POLR3B: variants seen among roughly 807,000 people sequenced by gnomAD.
POLR3B encodes DNA-directed RNA polymerase III subunit RPC2.
Under a neutral mutation model 147.4 loss-of-function variants are expected in POLR3B, and 96 were observed. The observed-to-expected ratio is 0.65, with a 90% CI of 0.55 to 0.77. POLR3B has a LOEUF of 0.77. Ranked by LOEUF, POLR3B falls within the 30% of genes least tolerant of loss-of-function variation. The probability of loss-of-function intolerance (pLI) is 0.00; values close to 1 mark genes in which losing one functional copy is unlikely to be tolerated. For missense variants in POLR3B, 1,036 were observed against 1,413.5 expected, an observed-to-expected ratio of 0.73 and a Z score of 4.28; for synonymous variants, 461 against 485.9, an observed-to-expected ratio of 0.95 and a Z score of 0.67.
chr12:106,365,201 G>C (rs80034931), intron 2 of POLR3B, among the ~76,000 whole-genome samples: 2 of 152,072 alleles, frequency 1.3e-5, no homozygotes, highest in Non-Finnish European at 2.9e-5. Flanking sequence ...GTTCAGTTGC[G>C]TGTTATGGGC....
chr12:106,357,854 C>T lies in POLR3B; in HGVS notation c.-26C>T. The T allele has an allele frequency of 6.2e-7, 1 of 1,610,448 alleles. No homozygotes were observed. The highest frequency in any genetic ancestry group is 8.5e-7 in the Non-Finnish European group (1 of 1,178,392). ...GGGAAGGCGGGCGCGGAGGTTCTAT[C>T]TGTTTCTTCCTCCTTCGTGAGCAGC... On this transcript the variant is annotated 5_prime_UTR_variant, in exon 1 of 28. Coordinates refer to ENST00000228347, the MANE Select transcript of POLR3B (RefSeq NM_018082.6).
chr12:106,476,041 A>T (rs1012183501), intron 23 of POLR3B, among the ~76,000 whole-genome samples: 73 of 149,026 alleles, frequency 4.9e-4, no homozygotes, highest in African/African-American at 1.8e-3. Flanking sequence ...TTCCTTGAGG[A>T]GCTCTTTTAG....
chr12:106,358,120 C>T (rs2036414798), intron 1 of POLR3B, 169 bp downstream of exon 1: 3 of 1,487,360 alleles, frequency 2.0e-6, no homozygotes, highest in Non-Finnish European at 2.7e-6. Flanking sequence ...CAGAGCCGGC[C>T]TCCGCGTGCG....
At chr12:106,469,130 T>C (rs1164528428) in intron 23 of POLR3B, among the ~76,000 whole-genome samples, 1 of 152,208 alleles carries the variant, frequency 6.6e-6, no homozygotes, top group Admixed American at 6.5e-5. Context: ...TGCTCCTGTA[T>C]TGGGTGCATA....
At chr12:106,401,553 A>G (rs2037067125) in intron 10 of POLR3B, among the ~76,000 whole-genome samples, 1 of 152,242 alleles carries the variant, frequency 6.6e-6, no homozygotes. Context: ...CATTGATGCA[A>G]AAATCCTCAT....
At chr12:106,463,815 C>T (rs914363260) in intron 23 of POLR3B, among the ~76,000 whole-genome samples, 195 bp downstream of exon 23, 4 of 152,108 alleles carry the variant, frequency 2.6e-5, no homozygotes, top group African/African-American at 9.7e-5. Flanking sequence ...TAGACTTGCT[C>T]CTCTATGCTG....
At chr12:106,470,939 C>G (rs561813457) in intron 23 of POLR3B, among the ~76,000 whole-genome samples, 20 of 152,160 alleles carry the variant, frequency 1.3e-4, no homozygotes, top group Non-Finnish European at 1.6e-4. Context: ...AGGAGGCAGT[C>G]TGTCCATTAT....
chr12:106,500,918 G>A (rs970345598), intron 25 of POLR3B, among the ~76,000 whole-genome samples: 3 of 152,162 alleles, frequency 2.0e-5, no homozygotes, highest in Non-Finnish European at 4.4e-5. Context: ...GACCTATTGT[G>A]ATTTACATTT....
At chr12:106,393,205 GC>G (rs772244465) in intron 10 of POLR3B, 52 bp downstream of exon 10, 1 of 1,609,490 alleles carries the variant, frequency 6.2e-7, no homozygotes, top group Non-Finnish European at 8.5e-7. Flanking sequence ...GAGACTTAAT[GC>G]TGCTCATTGA....
chr12:106,403,622 A>C (rs1217173613), intron 10 of POLR3B, among the ~76,000 whole-genome samples: 1 of 152,140 alleles, frequency 6.6e-6, no homozygotes, highest in African/African-American at 2.4e-5. Context: ...ATGGAATACT[A>C]TGCAGCCATA....
chr12:106,496,004 C>G (rs552401212), intron 23 of POLR3B, 51 bp from the exon 24 acceptor site: 1 of 1,071,058 alleles, frequency 9.3e-7, no homozygotes, highest in East Asian at 2.4e-5. Context: ...GTACTGTATT[C>G]TTCCTTTCTG....
At position 106,454,827 on chromosome 12, in the gene POLR3B, T is replaced by TA. The variant is rs2037844544; in HGVS notation, c.2293+117dup. The TA allele has an allele frequency of 4.3e-6, 3 of 702,838 alleles. No individual in the cohort carries two copies. The Admixed American group carries it at 6.2e-5, about 15-fold the overall frequency. The allele number at this position is 702,838 out of a possible 1,614,324, so 43.5% of individuals were successfully genotyped here. On this transcript the variant is annotated intron_variant, in intron 20 of 27. Transcript: ENST00000228347. The stretch of plus-strand genomic sequence containing the variant: ...GTTTTAAGTTATTTGAATTTTATGA[T>TA]ATAGAAACAGGAGGTGGTTGGGTTT...
At chr12:106,359,240 T>C (rs1394361626) in intron 1 of POLR3B, among the ~76,000 whole-genome samples, 1 of 151,812 alleles carries the variant, frequency 6.6e-6, no homozygotes, top group African/African-American at 2.4e-5. Context: ...CTCTTTATAA[T>C]AGTTTGACAA....
At chr12:106,370,211 A>G (rs955417032) in intron 6 of POLR3B, among the ~76,000 whole-genome samples, 3 of 152,068 alleles carry the variant, frequency 2.0e-5, no homozygotes. Context: ...TAGACTTTAA[A>G]CTCAGTCCAC....
At chr12:106,405,563 C>T (rs932956422) in intron 10 of POLR3B, among the ~76,000 whole-genome samples, 28 of 151,810 alleles carry the variant, frequency 1.8e-4, no homozygotes, top group African/African-American at 5.6e-4. Context: ...CACACACACA[C>T]ACACACACAC....
intron 19 of POLR3B, among the ~76,000 whole-genome samples, chr12:106,448,427 CTTTTTTTT>C (rs869133588): frequency 4.0e-5 from 2 of 50,614 alleles, no homozygotes; most frequent in Non-Finnish European, 8.2e-5. Context: ...TACGTTATTT[CTTTTTTTT>C]TTTTTTTTTT....
chr12:106,393,479 C>T (rs1011349442), intron 10 of POLR3B, among the ~76,000 whole-genome samples: 1 of 143,536 alleles, frequency 7.0e-6, no homozygotes, highest in Non-Finnish European at 1.5e-5. Context: ...TGGCAACTCT[C>T]GTGTACAGGT....
intron 25 of POLR3B, among the ~76,000 whole-genome samples, chr12:106,499,124 C>T (rs1287188493): frequency 6.6e-6 from 1 of 152,114 alleles, no homozygotes; most frequent in African/African-American, 2.4e-5. Context: ...GACTAATGGA[C>T]CATTTCAGAA....
chr12:106,383,109 G>T (rs1450027885), intron 9 of POLR3B, among the ~76,000 whole-genome samples: 1 of 152,182 alleles, frequency 6.6e-6, no homozygotes, highest in African/African-American at 2.4e-5. Context: ...ACCTCTGCTA[G>T]TTTCCAACTT....
Sources: gnomAD v4.1 joint callset for allele counts (sites outside exome capture counted in the v4.1 genomes callset) on GRCh38, gnomAD v4.1.1 for gene constraint, MANE v1.5 for transcripts, NCBI Gene and HGNC (gene_info 2026-07-23, HGNC 2026-07-21) for gene names.